The following SP140 variants were observed in gnomAD, a reference collection of about 807,000 sequenced individuals.
SP140 encodes the protein SP140 nuclear body protein.
SP140 carries 81 observed loss-of-function variants against 125.0 expected under a neutral mutation model. The observed-to-expected ratio is 0.65, with a 90% CI of 0.54 to 0.78. The LOEUF is 0.78. SP140 is among the 30% of genes least tolerant of loss of function. SP140 has a pLI of 0.00. For missense variants in SP140, 858 were observed against 1,037.0 expected (o/e 0.83, Z 2.37); for synonymous variants, 312 against 354.0 (o/e 0.88, Z 1.33).
At chr2:230,202,776 G>A, upstream of SP140, 1 of 1,591,994 alleles carries the variant, frequency 6.3e-7, no homozygotes, top group Non-Finnish European at 8.6e-7. Context: ...GGTCTTCAGT[G>A]AGCCTCCTAC....
intron 3 of SP140, among the ~76,000 whole-genome samples, chr2:230,240,686 T>A (rs1252433724): frequency 1.3e-5 from 2 of 152,326 alleles, no homozygotes; most frequent in South Asian, 2.1e-4. Flanking sequence ...ATGGAACAAT[T>A]GGACCTCCCA....
chr2:230,198,631 G>A (rs1428711723), upstream of SP140, among the ~76,000 whole-genome samples: 1 of 152,062 alleles, frequency 6.6e-6, no homozygotes. Context: ...GTCTTGCTCT[G>A]TTGCCCAGGC....
intron 6 of SP140, among the ~76,000 whole-genome samples, chr2:230,245,531 A>G (rs2049307894): frequency 6.6e-6 from 1 of 152,218 alleles, no homozygotes; most frequent in South Asian, 2.1e-4. Flanking sequence ...GAGGTAACAA[A>G]CATCACGAAG....
chr2:230,292,442 A>C (rs1225949996), intron 19 of SP140, among the ~76,000 whole-genome samples: 2 of 152,238 alleles, frequency 1.3e-5, no homozygotes, highest in Non-Finnish European at 2.9e-5. Context: ...AGGTCAAAGA[A>C]ATGTGCACCC....
intron 1 of SP140, among the ~76,000 whole-genome samples, chr2:230,209,393 C>T (rs892778174): frequency 6.6e-6 from 1 of 151,970 alleles, no homozygotes; most frequent in African/African-American, 2.4e-5. Flanking sequence ...AGAAAAGCAG[C>T]TTTTGAAAGG....
chr2:230,235,482 C>A (rs149031539), intron 1 of SP140, among the ~76,000 whole-genome samples: 192 of 152,218 alleles, frequency 1.3e-3, no homozygotes, highest in African/African-American at 4.4e-3. Context: ...AACCAGAAGG[C>A]TTTTTCTTTT....
At chr2:230,230,389 A>G (rs780714329) in intron 1 of SP140, 1 of 152,174 alleles carries the variant, frequency 6.6e-6, no homozygotes, top group Non-Finnish European at 1.5e-5. Flanking sequence ...GTTTTACAAT[A>G]CTGAAGTTAT....
intron 15 of SP140, among the ~76,000 whole-genome samples, chr2:230,281,783 C>T (rs2055604814): frequency 6.6e-6 from 1 of 152,076 alleles, no homozygotes; most frequent in Non-Finnish European, 1.5e-5. Flanking sequence ...CTGGATATAC[C>T]AAATTTTGTT....
upstream of SP140, among the ~76,000 whole-genome samples, chr2:230,223,517 T>TTAGCCAGA (rs200500627): frequency 8.5e-3 from 1,293 of 152,326 alleles, 8 homozygotes; most frequent in Non-Finnish European, 0.014. Context: ...TTTGCCTGAG[T>TTAGCCAGA]TAGCCAGAGT....
Position 230,238,276 on chromosome 2 carries a change from G to A in SP140, c.301G>A (p.Glu101Lys). Residue 101 changes from glutamate to lysine, a missense_variant, in exon 3 of 27, where the codon GAA (glutamate) becomes AAA (lysine). Physicochemically the swap from Glu to Lys is moderately conservative, Grantham distance 56. This residue lies in a region of SP140 where 791 missense variants were observed against 869.5 expected (regional missense o/e 0.91). Transcript: ENST00000392045. ...AAGAGTGATGTATTGTGTACTCAGT[G>A]AACTGGAGAAGACATTTGGCTGGTC... Reference protein sequence around the residue: ...VTRVMYCVLSELEKTFGWSHL... With the variant: ...VTRVMYCVLSKLEKTFGWSHL... 1 of 1,613,710 alleles carries A rather than the reference G, an allele frequency of 6.2e-7. No homozygotes were observed. Among genetic ancestry groups the A allele is most frequent in the Non-Finnish European group, 8.5e-7 (1 of 1,179,634 alleles).
intron 11 of SP140, 71 bp from the exon 12 acceptor site, chr2:230,255,381 T>C: frequency 6.4e-7 from 1 of 1,565,036 alleles, no homozygotes. Context: ...ACATCTTCAC[T>C]AAGTTTTCTC....
upstream of SP140, chr2:230,202,791 CCAAT>C: frequency 6.6e-7 from 1 of 1,508,506 alleles, no homozygotes; most frequent in Non-Finnish European, 9.2e-7. Flanking sequence ...TCCTACAGTC[CCAAT>C]CAGTGACTTC....
chr2:230,212,372 G>C, intron 1 of SP140: 2 of 1,613,130 alleles, frequency 1.2e-6, no homozygotes, highest in Admixed American at 3.3e-5. Context: ...TGAGGAGGCT[G>C]GGCATCTCTT....
chr2:230,239,069 A>T, intron 3 of SP140: 1 of 1,393,540 alleles, frequency 7.2e-7, no homozygotes, highest in Non-Finnish European at 9.3e-7. Flanking sequence ...AGGGCATTTA[A>T]ACGGGAAAAG....
chr2:230,211,683 T>C lies in SP140; in HGVS notation c.-322-1971T>C. The C allele has an allele frequency of 1.4e-6, 1 of 692,494 alleles. No homozygotes were observed. Among genetic ancestry groups the C allele is most frequent in the South Asian group, 1.5e-5 (1 of 65,414 alleles). 42.9% of individuals were successfully genotyped at this position (692,494 alleles called of 1,614,324 possible). A position where few individuals can be genotyped will look rare whatever the true frequency, so the allele number is the denominator to read the frequency against. On this transcript the variant is annotated intron_variant, in intron 1 of 4. Coordinates refer to the SP140 transcript ENST00000456542. The surrounding 1 kb of genome is among the most constrained non-coding windows in gnomAD (Gnocchi z 4.2). The stretch of plus-strand genomic sequence containing the variant: ...ACAGCAACCAAGGCCTGGGAAAGGA[T>C]GGCATAGAGTGGGAAAGTAAGCAAC...
Position 230,312,958 on chromosome 2 carries a change from T to G in SP140, c.*274T>G, listed in dbSNP as rs1248898520. 8.9e-6 allele frequency: 3 copies of G among 336,932 alleles called. No individual in the cohort carries two copies. The highest frequency in any genetic ancestry group is 1.6e-5 in the Non-Finnish European group (3 of 182,430). 20.9% of individuals were successfully genotyped at this position (336,932 alleles called of 1,614,324 possible). A position where few individuals can be genotyped will look rare whatever the true frequency, so the allele number is the denominator to read the frequency against. On this transcript the variant is annotated 3_prime_UTR_variant, in exon 27 of 27. Coordinates refer to ENST00000392045, the MANE Select transcript of SP140 (RefSeq NM_007237.5). The stretch of plus-strand genomic sequence containing the variant: ...CCATCCCATACAGGCTCTTACCTCT[T>G]CTCCTGAGGGCTGCTCCAGACAACA...
chr2:230,303,133 A>G (rs2058451182), intron 22 of SP140, among the ~76,000 whole-genome samples: 1 of 152,216 alleles, frequency 6.6e-6, no homozygotes, highest in Admixed American at 6.5e-5. Context: ...GTTATTTGAA[A>G]AGATAAACAA....
intron 22 of SP140, among the ~76,000 whole-genome samples, chr2:230,307,992 C>CACACAT (rs2058968937): frequency 4.1e-5 from 2 of 49,078 alleles, no homozygotes; most frequent in Non-Finnish European, 8.0e-5. Context: ...TATATATATA[C>CACACAT]ACACACACAC....
At chr2:230,207,908 A>C (rs1435945015) in intron 1 of SP140, 1 of 727,564 alleles carries the variant, frequency 1.4e-6, no homozygotes, top group African/African-American at 1.8e-5. Context: ...ATTTAGAATA[A>C]AATTCAACCC....
Sources: gnomAD v4.1 joint callset for allele counts (sites outside exome capture counted in the v4.1 genomes callset) on GRCh38, gnomAD v4.1.1 for gene constraint, gnomAD v4.1.1 regional missense constraint, Gnocchi (gnomAD v3.1) non-coding constraint, MANE v1.5 for transcripts, NCBI Gene and HGNC (gene_info 2026-07-23, HGNC 2026-07-21) for gene names.